PARVA: variants seen among roughly 807,000 people sequenced by gnomAD.
PARVA encodes parvin alpha, also known as alpha-parvin.
A neutral mutation model predicts 52.6 loss-of-function variants in PARVA; 25 were observed. That is an observed-to-expected ratio of 0.48 (90% CI 0.35 to 0.66). The LOEUF (loss-of-function observed/expected upper bound fraction) is 0.66. PARVA is among the 30% of genes least tolerant of loss of function. The pLI is 0.01. For missense variants in PARVA, 373 were observed against 450.9 expected (o/e 0.83, Z 1.56); for synonymous variants, 185 against 179.1 (o/e 1.03, Z -0.26).
chr11:12,397,203 T>C (rs1219028877), intron 1 of PARVA, among the ~76,000 whole-genome samples: 1 of 152,154 alleles, frequency 6.6e-6, no homozygotes, highest in Non-Finnish European at 1.5e-5. Flanking sequence ...GGCTGAAAGA[T>C]AATTTATTTA....
At chr11:12,473,680 T>G in intron 1 of PARVA, 65 bp from the exon 2 acceptor site, 1 of 1,215,704 alleles carries the variant, frequency 8.2e-7, no homozygotes, top group East Asian at 2.5e-5. Flanking sequence ...ACACCCTTGT[T>G]ACAGAGCTCC....
chr11:12,383,661 A>C (rs952469593), intron 1 of PARVA, among the ~76,000 whole-genome samples: 1 of 151,988 alleles, frequency 6.6e-6, no homozygotes, highest in Non-Finnish European at 1.5e-5. Context: ...CATTTTTCCA[A>C]AGTACATCTT....
At chr11:12,436,984 C>T (rs971890935) in intron 1 of PARVA, among the ~76,000 whole-genome samples, 7 of 152,076 alleles carry the variant, frequency 4.6e-5, no homozygotes, top group Non-Finnish European at 1.0e-4. Context: ...GCTGTTTTCA[C>T]CATCTTTAAG....
intron 1 of PARVA, among the ~76,000 whole-genome samples, chr11:12,466,550 C>T (rs190392838): frequency 8.3e-4 from 126 of 152,120 alleles, no homozygotes; most frequent in Non-Finnish European, 1.4e-3. Context: ...GTGATCCGCC[C>T]GCCTCGGCCA....
chr11:12,482,161 A>AG (rs1941096673), intron 4 of PARVA, among the ~76,000 whole-genome samples: 1 of 151,148 alleles, frequency 6.6e-6, no homozygotes, highest in African/African-American at 2.4e-5. Context: ...TGTCTCAAAA[A>AG]AAAAAAAAAA....
intron 1 of PARVA, among the ~76,000 whole-genome samples, chr11:12,431,383 A>G (rs1159387425): frequency 6.6e-6 from 1 of 152,212 alleles, no homozygotes; most frequent in African/African-American, 2.4e-5. Flanking sequence ...CCTGCCTGCA[A>G]TCCAAACCAG....
chr11:12,508,240 G>A (rs56374820), intron 6 of PARVA, among the ~76,000 whole-genome samples: 153 of 151,966 alleles, frequency 1.0e-3, no homozygotes, highest in African/African-American at 3.6e-3. Flanking sequence ...CTGGAGGGCA[G>A]ACACACCCTG....
chr11:12,501,119 AC>A (rs1004854421), intron 5 of PARVA, among the ~76,000 whole-genome samples: 8 of 151,464 alleles, frequency 5.3e-5, no homozygotes, highest in Admixed American at 2.0e-4. Context: ...AAAAAAAAAA[AC>A]AATCTTTCCA....
At chr11:12,503,606 C>T (rs1471100422) in intron 5 of PARVA, among the ~76,000 whole-genome samples, 1 of 152,040 alleles carries the variant, frequency 6.6e-6, no homozygotes, top group Non-Finnish European at 1.5e-5. Context: ...GTGGCACATC[C>T]CTGTAGTCCC....
intron 1 of PARVA, among the ~76,000 whole-genome samples, chr11:12,467,112 T>C (rs1564854227): frequency 6.6e-6 from 1 of 152,228 alleles, no homozygotes; most frequent in Non-Finnish European, 1.5e-5. Context: ...TACCCAAGTA[T>C]TGCATTTTTT....
At chr11:12,488,894 T>C (rs1941196313) in intron 4 of PARVA, among the ~76,000 whole-genome samples, 1 of 152,012 alleles carries the variant, frequency 6.6e-6, no homozygotes, top group East Asian at 1.9e-4. Flanking sequence ...CACAAAGAAC[T>C]CCCAGAGTTA....
intron 1 of PARVA, among the ~76,000 whole-genome samples, chr11:12,391,362 T>G (rs1473367196): frequency 6.6e-6 from 1 of 152,148 alleles, no homozygotes; most frequent in African/African-American, 2.4e-5. Context: ...GTCGTTCAGT[T>G]TGTGAGATCC....
At chr11:12,398,867 G>A (rs554906553) in intron 1 of PARVA, among the ~76,000 whole-genome samples, 1 of 152,290 alleles carries the variant, frequency 6.6e-6, no homozygotes, top group East Asian at 1.9e-4. Context: ...GACTGTGGCT[G>A]TCACCCATGC....
In PARVA at chr11:12,517,627, C is replaced by T. The variant is rs762086896; in HGVS notation, c.885C>T (p.Tyr295=). The T allele has an allele frequency of 7.5e-6, 12 of 1,599,396 alleles. No homozygotes were observed. The highest frequency in any genetic ancestry group is 4.0e-5 in the African/African-American group (3 of 74,696). The part of the protein sequence containing the change: ...ELETQFADGV[Y]LVLLMGLLEG... ...TCCTCCAGTTTGCAGATGGGGTGTA[C>T]CTGGTGCTGCTCATGGGGCTCCTGG... Residue 295 remains tyrosine, a synonymous_variant, in exon 11 of 13, where the codon TAC becomes TAT. Transcript: ENST00000334956.
chr11:12,490,394 G>A (rs1236074741), intron 4 of PARVA, among the ~76,000 whole-genome samples: 9 of 151,098 alleles, frequency 6.0e-5, no homozygotes, highest in South Asian at 4.2e-4. Flanking sequence ...CAATAGTGGC[G>A]CACACCTGTA....
Position 12,477,851 on chromosome 11 carries a change from T to A in PARVA, c.302T>A (p.Leu101Ter). ...DPKLQELMKVLIDWINDVLVG... is the reference protein window; with the variant it reads ...DPKLQELMKV The stretch of plus-strand genomic sequence containing the variant: ...TCCCTTTCTCTCTCTCTGTAGGTAT[T>A]AATTGACTGGATTAATGATGTGTTG... The change falls in exon 4 of 13, where the codon TTA becomes TAA. Residue 101 changes from leucine to a stop codon, truncating the protein, a stop_gained. Coordinates refer to ENST00000334956, the MANE Select transcript of PARVA (RefSeq NM_018222.5). LOFTEE classifies it high-confidence loss of function. 1.3e-6 allele frequency: 2 copies of A among 1,544,060 alleles called. No homozygotes were observed.
chr11:12,377,339 TC>T, upstream of PARVA: 1 of 1,100,190 alleles, frequency 9.1e-7, no homozygotes, highest in Non-Finnish European at 1.2e-6. Flanking sequence ...GCTCGACCGC[TC>T]CCAACCTGGG....
At position 12,487,327 on chromosome 11, in the gene PARVA, T is replaced by C. The variant is rs143588361; in HGVS notation, c.401-9131T>C. ...GAAGCAGGAATGAAGAAACAGGAGA[T>C]CTCAGTTCCAATCTTGGTTTCACCA... On this transcript the variant is annotated intron_variant, in intron 4 of 12. Transcript: ENST00000334956. Among the ~76,000 whole-genome samples, 38 of 152,294 alleles carry C rather than the reference T, an allele frequency of 2.5e-4. No individual in the cohort carries two copies. In the East Asian group the frequency reaches 6.4e-3, roughly 26 times the overall value.
chr11:12,526,472 T>C (rs925172482), intron 12 of PARVA, among the ~76,000 whole-genome samples: 1 of 152,216 alleles, frequency 6.6e-6, no homozygotes, highest in African/African-American at 2.4e-5. Context: ...TTTAATCATT[T>C]TTATTGTGAA....
Sources: gnomAD v4.1 joint callset for allele counts (sites outside exome capture counted in the v4.1 genomes callset) on GRCh38, gnomAD v4.1.1 for gene constraint, MANE v1.5 for transcripts, NCBI Gene and HGNC (gene_info 2026-07-23, HGNC 2026-07-21) for gene names.